Variants in PUS10 observed in about 807,000 individuals in gnomAD.
The protein encoded by PUS10 is pseudouridine synthase 10.
A neutral mutation model predicts 75.0 loss-of-function variants in PUS10; 59 were observed. The ratio of observed to expected loss-of-function variants is 0.79; its 90% confidence interval spans 0.64 to 0.98. The LOEUF is 0.98. Ranked by LOEUF, PUS10 falls within the 50% of genes least tolerant of loss-of-function variation. The probability of loss-of-function intolerance (pLI) is 0.00; values close to 1 mark genes in which losing one functional copy is unlikely to be tolerated. For synonymous variants in PUS10, 219 were observed against 211.6 expected (o/e 1.03, Z -0.30); for missense variants, 650 against 614.4 (o/e 1.06, Z -0.61).
chr2:61,006,355 T>C (rs1166687999), intron 4 of PUS10, among the ~76,000 whole-genome samples: 2 of 152,246 alleles, frequency 1.3e-5, no homozygotes, highest in Non-Finnish European at 2.9e-5. Context: ...ACTAACTTGC[T>C]TTGTTAGGAC....
intron 6 of PUS10, chr2:60,966,188 T>C (rs1267550069): frequency 3.9e-5 from 6 of 152,096 alleles, no homozygotes; most frequent in Admixed American, 3.9e-4. Context: ...CTGTCAGACA[T>C]TTAAGCTGTA....
intron 3 of PUS10, 91 bp downstream of exon 3, chr2:61,008,670 G>A (rs910594852): frequency 9.3e-7 from 1 of 1,079,348 alleles, no homozygotes; most frequent in Non-Finnish European, 1.3e-6. Context: ...GAATTGTCTT[G>A]TCTTGAAAAA....
intron 5 of PUS10, 141 bp downstream of exon 5, chr2:60,971,382 T>G (rs1676650983): frequency 5.5e-6 from 4 of 733,922 alleles, no homozygotes; most frequent in Non-Finnish European, 7.4e-6. Flanking sequence ...ATGTATAGAA[T>G]AAAAATTGGT....
chr2:60,999,547 A>T (rs562090549), intron 4 of PUS10, among the ~76,000 whole-genome samples: 11 of 152,254 alleles, frequency 7.2e-5, no homozygotes, highest in Admixed American at 2.0e-4. Flanking sequence ...TGAGCCTAAG[A>T]GGTCAAGTGC....
At chr2:60,993,965 A>AT in intron 4 of PUS10, among the ~76,000 whole-genome samples, 1 of 151,868 alleles carries the variant, frequency 6.6e-6, no homozygotes, top group East Asian at 1.9e-4. Flanking sequence ...AATTTTTTGT[A>AT]TTTTTAGTAG....
chr2:60,970,992 C>A (rs1191387158), intron 5 of PUS10, among the ~76,000 whole-genome samples: 1 of 151,994 alleles, frequency 6.6e-6, no homozygotes, highest in African/African-American at 2.4e-5. Context: ...CCAGCCTGGA[C>A]AACATGGTGA....
chr2:60,990,002 C>G (rs766939020), intron 4 of PUS10, among the ~76,000 whole-genome samples: 1 of 151,592 alleles, frequency 6.6e-6, no homozygotes, highest in Non-Finnish European at 1.5e-5. Flanking sequence ...TAGAAGGTAC[C>G]AAAATAAACT....
Position 60,948,103 on chromosome 2 carries a change from A to AT in PUS10, c.1390dup (p.Met464AsnfsTer8). 1 of 1,614,128 alleles carries AT rather than the reference A, an allele frequency of 6.2e-7. No homozygotes were observed. The highest frequency in any genetic ancestry group is 8.5e-7 in the Non-Finnish European group (1 of 1,180,010). On this transcript the variant is annotated frameshift_variant, in exon 16 of 18. Coordinates refer to ENST00000316752, the MANE Select transcript of PUS10 (RefSeq NM_144709.4). LOFTEE classifies it high-confidence loss of function. Reference sequence around the variant, plus strand: ...GTGCTCATCCACGTACTGTGTCTCCATGAAGTGAATGACGCGAGCTCGCAC... The same window carrying AT: ...GTGCTCATCCACGTACTGTGTCTCCATTGAAGTGAATGACGCGAGCTCGCAC...
intron 2 of PUS10, chr2:61,010,871 G>C: frequency 6.5e-7 from 1 of 1,550,026 alleles, no homozygotes. Context: ...TAACCTCTCT[G>C]TATCTCAGTT....
Position 60,953,999 on chromosome 2 carries a change from A to G in PUS10, c.1135-11T>C, listed in dbSNP as rs1477225080. Reference sequence around the variant, plus strand: ...TGAGTTATTAATTTTCTGTAGTAGCAGAAAAAGAAAAACAATTAGCAAGTC... The same window carrying G: ...TGAGTTATTAATTTTCTGTAGTAGCGGAAAAAGAAAAACAATTAGCAAGTC... On this transcript the variant is annotated splice_polypyrimidine_tract_variant and intron_variant, in intron 13 of 17. Coordinates refer to ENST00000316752, the MANE Select transcript of PUS10 (RefSeq NM_144709.4). The G allele has an allele frequency of 6.2e-7, 1 of 1,613,240 alleles. No homozygotes were observed. The highest frequency in any genetic ancestry group is 1.1e-5 in the South Asian group (1 of 91,072).
In PUS10 at chr2:60,953,933, C is replaced by G; in HGVS notation, c.1190G>C (p.Arg397Thr). 6.2e-7 allele frequency: 1 copy of G among 1,613,562 alleles called. No individual in the cohort carries two copies. The change falls in exon 14 of 18, where the codon AGA becomes ACA. Residue 397 changes from arginine (R) to threonine (T), a missense_variant and splice_region_variant. Transcript: ENST00000316752. The stretch of plus-strand genomic sequence containing the variant: ...TCATCTCCAATGAGCCTACTCTTAC[C>G]TTGTGACAAGCTGCAAGTCACGTAC... ...IQVRDLQLVT[R>T]EAIGHMKEGE...
At position 60,999,758 on chromosome 2, in the gene PUS10, T is replaced by A. The variant is rs147972726; in HGVS notation, c.468+6799A>T. ...GTATCTTGGCCAAGTACATTGGCACTCTGTATCTGTGGATCTTGCATCTAT... is the reference window on the plus strand; with the variant it reads ...GTATCTTGGCCAAGTACATTGGCACACTGTATCTGTGGATCTTGCATCTAT... On this transcript the variant is annotated intron_variant, in intron 4 of 17. Transcript: ENST00000316752. Among the ~76,000 whole-genome samples, 1,028 of 152,332 alleles carry A rather than the reference T, an allele frequency of 6.7e-3. 12 individuals carry two copies. Among genetic ancestry groups the A allele is most frequent in the Non-Finnish European group, 9.8e-3 (668 of 68,032 alleles).
chr2:61,008,694 G>T (rs2104711999), intron 3 of PUS10, 67 bp downstream of exon 3: 2 of 1,259,210 alleles, frequency 1.6e-6, no homozygotes. Context: ...AAAGAAAAAA[G>T]AATTCTTGGT....
chr2:60,953,325 T>C (rs1270092675), intron 14 of PUS10, among the ~76,000 whole-genome samples: 2 of 152,238 alleles, frequency 1.3e-5, no homozygotes, highest in Non-Finnish European at 2.9e-5. Context: ...AGAAACTTTG[T>C]ACCCATTAGT....
chr2:61,006,741 T>A, intron 3 of PUS10, 98 bp from the exon 4 acceptor site: 2 of 871,952 alleles, frequency 2.3e-6, no homozygotes, highest in Non-Finnish European at 1.8e-6. Flanking sequence ...GGAGATGACA[T>A]GGCAAAACTT....
chr2:61,005,778 T>G (rs1679170366), intron 4 of PUS10, among the ~76,000 whole-genome samples: 1 of 152,242 alleles, frequency 6.6e-6, no homozygotes, highest in African/African-American at 2.4e-5. Flanking sequence ...CTGGCTCTTC[T>G]GTATCATTCT....
chr2:60,940,496 G>A lies in PUS10; in HGVS notation c.*1899C>T, dbSNP rs1674575431. 1 of 152,238 alleles carries A rather than the reference G, an allele frequency of 6.6e-6. No homozygotes were observed. The highest frequency in any genetic ancestry group is 2.4e-5 in the African/African-American group (1 of 41,440). The allele number at this position is 152,238 out of a possible 1,614,324, so 9.4% of individuals were successfully genotyped here. A position where few individuals can be genotyped will look rare whatever the true frequency, so the allele number is the denominator to read the frequency against. ...TATTTCCAGTTCTGCCTAAAACAAA[G>A]ACATACATTAATTTTTAACAATCTT... On this transcript the variant is annotated 3_prime_UTR_variant, in exon 18 of 18. Coordinates refer to ENST00000316752, the MANE Select transcript of PUS10 (RefSeq NM_144709.4).
chr2:60,953,302 A>G (rs1368805599), intron 14 of PUS10, among the ~76,000 whole-genome samples, 188 bp from the exon 15 acceptor site: 1 of 152,220 alleles, frequency 6.6e-6, no homozygotes, highest in African/African-American at 2.4e-5. Flanking sequence ...GAATACTTTC[A>G]TCACCCTGAA....
intron 12 of PUS10, 123 bp from the exon 13 acceptor site, chr2:60,954,281 C>A: frequency 1.3e-6 from 1 of 786,452 alleles, no homozygotes; most frequent in Non-Finnish European, 2.1e-6. Flanking sequence ...AGTTTAGTGA[C>A]ATGACTACAT....
Sources: allele counts gnomAD v4.1 joint callset (sites outside exome capture counted in the v4.1 genomes callset), GRCh38; gene constraint gnomAD v4.1.1; transcripts MANE v1.5; gene names NCBI Gene and HGNC (gene_info 2026-07-23, HGNC 2026-07-21).